TYR: variants seen among roughly 807,000 people sequenced by gnomAD.
TYR encodes tyrosinase.
Under a neutral mutation model 51.5 loss-of-function variants are expected in TYR, and 58 were observed. That is an observed-to-expected ratio of 1.13 (90% CI 0.91 to 1.40). The LOEUF (loss-of-function observed/expected upper bound fraction) is 1.40. Among genes scored for constraint, TYR ranks in the 40% most tolerant of loss-of-function variants. The pLI, the probability that TYR is intolerant of heterozygous loss-of-function variation, is 0.00. For missense variants in TYR, 732 were observed against 647.4 expected, an observed-to-expected ratio of 1.13 and a Z score of -1.42; for synonymous variants, 263 against 235.2, an observed-to-expected ratio of 1.12 and a Z score of -1.08.
intron 3 of TYR, among the ~76,000 whole-genome samples, chr11:89,280,153 A>G (rs918446255): frequency 6.6e-6 from 1 of 151,564 alleles, no homozygotes; most frequent in African/African-American, 2.4e-5. Flanking sequence ...TTATGGCACT[A>G]AAAGATGCTC....
intron 2 of TYR, among the ~76,000 whole-genome samples, chr11:89,195,790 C>G (rs947245681): frequency 7.9e-5 from 12 of 152,144 alleles, no homozygotes; most frequent in African/African-American, 2.7e-4. Flanking sequence ...GGACCCTGTG[C>G]AGTGTCAGTT....
At chr11:89,208,792 T>A (rs929727651) in intron 2 of TYR, among the ~76,000 whole-genome samples, 1 of 152,208 alleles carries the variant, frequency 6.6e-6, no homozygotes, top group Non-Finnish European at 1.5e-5. Flanking sequence ...GTATTTACTT[T>A]GTTTTTATTT....
intron 3 of TYR, among the ~76,000 whole-genome samples, chr11:89,268,631 C>T (rs1944552779): frequency 6.6e-6 from 1 of 151,896 alleles, no homozygotes; most frequent in Non-Finnish European, 1.5e-5. Flanking sequence ...ATATAATACA[C>T]ACATCCATTA....
At chr11:89,197,870 A>G (rs1381296720) in intron 2 of TYR, among the ~76,000 whole-genome samples, 1 of 151,010 alleles carries the variant, frequency 6.6e-6, no homozygotes, top group African/African-American at 2.5e-5. Context: ...TTCTCTTCAT[A>G]TAACAGCACT....
At chr11:89,217,806 C>G (rs919007564) in intron 2 of TYR, among the ~76,000 whole-genome samples, 3 of 152,132 alleles carry the variant, frequency 2.0e-5, no homozygotes, top group Admixed American at 6.5e-5. Flanking sequence ...TTGCTTGCTG[C>G]CCTACTCTTT....
At chr11:89,253,524 G>T (rs573988251) in intron 3 of TYR, among the ~76,000 whole-genome samples, 1 of 151,684 alleles carries the variant, frequency 6.6e-6, no homozygotes, top group Non-Finnish European at 1.5e-5. Flanking sequence ...TCCTTCTAGA[G>T]GTCTTTCACC....
At chr11:89,279,575 T>A (rs1171421665) in intron 3 of TYR, among the ~76,000 whole-genome samples, 1 of 151,868 alleles carries the variant, frequency 6.6e-6, no homozygotes, top group South Asian at 2.1e-4. Flanking sequence ...TTTTCTGAAG[T>A]CTCCCATGTC....
At chr11:89,258,471 T>C (rs946627565) in intron 3 of TYR, among the ~76,000 whole-genome samples, 11 of 149,980 alleles carry the variant, frequency 7.3e-5, no homozygotes, top group African/African-American at 2.7e-4. Context: ...GTGAAATAAG[T>C]TGGGGCTGTT....
At chr11:89,229,159 A>G (rs1273662226) in intron 3 of TYR, among the ~76,000 whole-genome samples, 1 of 152,088 alleles carries the variant, frequency 6.6e-6, no homozygotes, top group Admixed American at 6.6e-5. Flanking sequence ...AAAATCAAAT[A>G]AGAAAGTGAC....
chr11:89,267,380 A>G (rs1944538352), intron 3 of TYR, among the ~76,000 whole-genome samples: 1 of 151,978 alleles, frequency 6.6e-6, no homozygotes, highest in Non-Finnish European at 1.5e-5. Context: ...ATAAATGATT[A>G]AAGATATAAA....
intron 2 of TYR, among the ~76,000 whole-genome samples, chr11:89,198,319 C>T (rs7107143): frequency 0.24 from 35,828 of 151,938 alleles, 4,543 homozygotes; most frequent in Non-Finnish European, 0.29. Context: ...CATGGAGTGA[C>T]GCATTCTAGT....
intron 2 of TYR, among the ~76,000 whole-genome samples, chr11:89,221,741 T>C (rs902047148): frequency 6.6e-6 from 1 of 152,226 alleles, no homozygotes; most frequent in Non-Finnish European, 1.5e-5. Flanking sequence ...TGCACTAATG[T>C]ACATTTTCTA....
chr11:89,271,091 CT>C (rs1944583102), intron 3 of TYR, among the ~76,000 whole-genome samples: 1 of 151,718 alleles, frequency 6.6e-6, no homozygotes, highest in African/African-American at 2.4e-5. Flanking sequence ...TAAAGAACCC[CT>C]ATGGAAGAAA....
Position 89,227,886 on chromosome 11 carries a change from A to G in TYR, c.1100A>G (p.His367Arg), listed in dbSNP as rs61754384. Residue 367 changes from histidine to arginine, a missense_variant, in exon 3 of 5, where the codon CAC becomes CGC. Transcript: ENST00000263321. ...ASQSSMHNAL[H>R]IYMNGTMSQV... ...CAAAGCAGCATGCACAATGCCTTGC[A>G]CATCTATATGAATGGAACAATGTCC... 3 of 1,613,564 alleles carry G rather than the reference A, an allele frequency of 1.9e-6. No individual in the cohort carries two copies. Among genetic ancestry groups the G allele is most frequent in the Non-Finnish European group, 2.5e-6 (3 of 1,179,688 alleles).
intron 3 of TYR, among the ~76,000 whole-genome samples, chr11:89,234,176 A>C (rs1208266345): frequency 7.0e-6 from 1 of 143,476 alleles, no homozygotes; most frequent in Non-Finnish European, 1.5e-5. Flanking sequence ...TGTTATGAAG[A>C]CTTCTCTTTC....
In TYR at chr11:89,295,475, G is replaced by A. The variant is rs1239350630; in HGVS notation, c.*109G>A. The A allele has an allele frequency of 7.0e-7, 1 of 1,422,144 alleles. No homozygotes were observed. Among genetic ancestry groups the A allele is most frequent in the Admixed American group, 2.0e-5 (1 of 51,032 alleles). The allele number at this position is 1,422,144 out of a possible 1,614,324, so 88.1% of individuals were successfully genotyped here. ...TGGTATTTTTCTGTAAAGACCATTT[G>A]CAAAATTGTAACCTAATACAAAGTG... On this transcript the variant is annotated 3_prime_UTR_variant, in exon 5 of 5. Transcript: ENST00000263321.
At chr11:89,292,146 T>C (rs573234529) in intron 4 of TYR, among the ~76,000 whole-genome samples, 8 of 152,154 alleles carry the variant, frequency 5.3e-5, no homozygotes, top group Admixed American at 4.6e-4. Context: ...ATAAATTTTT[T>C]CCCTGGGTGA....
At chr11:89,196,511 A>G (rs1943521127) in intron 2 of TYR, among the ~76,000 whole-genome samples, 1 of 152,172 alleles carries the variant, frequency 6.6e-6, no homozygotes, top group Non-Finnish European at 1.5e-5. Flanking sequence ...GTAGGTGCTC[A>G]TTAAGTATTG....
At chr11:89,195,269 G>A (rs1157731727) in intron 2 of TYR, among the ~76,000 whole-genome samples, 1 of 152,156 alleles carries the variant, frequency 6.6e-6, no homozygotes, top group African/African-American at 2.4e-5. Context: ...CATAGTCATT[G>A]CTAGGACAAA....
Sources: gnomAD v4.1 joint callset for allele counts (sites outside exome capture counted in the v4.1 genomes callset) on GRCh38, gnomAD v4.1.1 for gene constraint, MANE v1.5 for transcripts, NCBI Gene and HGNC (gene_info 2026-07-23, HGNC 2026-07-21) for gene names.